Variants in CEP112 observed in about 807,000 individuals in gnomAD.
CEP112 encodes centrosomal protein 112.
CEP112 carries 127 observed loss-of-function variants against 153.0 expected under a neutral mutation model. The ratio of observed to expected loss-of-function variants is 0.83; its 90% CI spans 0.72 to 0.96. The LOEUF (loss-of-function observed/expected upper bound fraction) is 0.96, where lower values mean the gene tolerates loss of function less well. Ranked by LOEUF, CEP112 falls within the 40% of genes least tolerant of loss-of-function variation. CEP112 has a pLI of 0.00. For synonymous variants in CEP112, 358 were observed against 374.4 expected (o/e 0.96, Z 0.51); for missense variants, 1,089 against 1,101.2 (o/e 0.99, Z 0.16).
rs74269525 is a variant in CEP112, at chr17:66,000,492, T to TAA, written c.1736+5196_1736+5197dup. Among the ~76,000 whole-genome samples the TAA allele has an allele frequency of 1.8e-3, 254 of 139,808 alleles. 6 individuals are homozygous for TAA. Among genetic ancestry groups the TAA allele is most frequent in the Middle Eastern group, 3.7e-3 (1 of 268 alleles). The allele number at this position is 139,808 out of a possible 152,430, so 91.7% of individuals were successfully genotyped here. A position where few individuals can be genotyped will look rare whatever the true frequency, so the allele number is the denominator to read the frequency against. On this transcript the variant is annotated intron_variant, in intron 17 of 26. Coordinates refer to ENST00000535342, the MANE Select transcript of CEP112 (RefSeq NM_001199165.4). ...TTACTAGAGCAACTTGTCAGTAGAT[T>TAA]AAAAAAAAAAAAAAAGGATAACCTT...
At chr17:65,744,533 C>G (rs551948874) in intron 22 of CEP112, among the ~76,000 whole-genome samples, 5 of 152,224 alleles carry the variant, frequency 3.3e-5, no homozygotes, top group African/African-American at 1.2e-4. Flanking sequence ...GCGTGAGCCA[C>G]CATGCTTGGC....
intron 4 of CEP112, among the ~76,000 whole-genome samples, chr17:66,140,559 CA>C (rs2070647389): frequency 6.6e-6 from 1 of 152,118 alleles, no homozygotes; most frequent in Admixed American, 6.6e-5. Flanking sequence ...TAAATGAATT[CA>C]GTAAAATTTC....
intron 6 of CEP112, among the ~76,000 whole-genome samples, chr17:66,112,531 T>C (rs2069103835): frequency 6.6e-6 from 1 of 152,194 alleles, no homozygotes; most frequent in South Asian, 2.1e-4. Flanking sequence ...ATGTTCAAGA[T>C]GTGAAACACT....
intron 24 of CEP112, among the ~76,000 whole-genome samples, chr17:65,655,725 T>C (rs1249656898): frequency 6.6e-6 from 1 of 152,114 alleles, no homozygotes; most frequent in African/African-American, 2.4e-5. Flanking sequence ...ATTTATATTC[T>C]GGCATAAGCT....
chr17:65,881,160 T>C (rs1304831436), intron 20 of CEP112, among the ~76,000 whole-genome samples: 6 of 152,110 alleles, frequency 3.9e-5, no homozygotes, highest in Admixed American at 1.3e-4. Flanking sequence ...GAGTTTGCAG[T>C]GAGCCGAGAT....
chr17:65,969,917 C>T (rs559708296), intron 17 of CEP112, among the ~76,000 whole-genome samples: 1 of 150,524 alleles, frequency 6.6e-6, no homozygotes. Context: ...ATATTACATG[C>T]ATATCACATG....
intron 4 of CEP112, among the ~76,000 whole-genome samples, chr17:66,148,423 A>G (rs939081459): frequency 4.6e-5 from 7 of 152,182 alleles, no homozygotes; most frequent in Non-Finnish European, 8.8e-5. Flanking sequence ...CAGAGATTGT[A>G]TGGCATCTGT....
chr17:66,075,497 T>C (rs1339350811), intron 8 of CEP112, among the ~76,000 whole-genome samples: 1 of 151,058 alleles, frequency 6.6e-6, no homozygotes, highest in African/African-American at 2.4e-5. Context: ...TAACTAAAAA[T>C]AAGGCAAGAA....
chr17:66,096,439 C>A, intron 7 of CEP112, 111 bp from the exon 8 acceptor site: 2 of 1,171,338 alleles, frequency 1.7e-6, no homozygotes, highest in Non-Finnish European at 2.5e-6. Flanking sequence ...ACTAACACTG[C>A]AGGAAAAAAT....
intron 16 of CEP112, among the ~76,000 whole-genome samples, chr17:66,022,274 A>C (rs900435077): frequency 6.6e-6 from 1 of 152,240 alleles, no homozygotes; most frequent in African/African-American, 2.4e-5. Flanking sequence ...TGAAATTCAA[A>C]ACTAAGAAGT....
intron 20 of CEP112, among the ~76,000 whole-genome samples, chr17:65,886,931 A>G (rs1372056172): frequency 6.6e-6 from 1 of 152,168 alleles, no homozygotes; most frequent in Non-Finnish European, 1.5e-5. Flanking sequence ...ACTATGTGCA[A>G]AATGCTGGGG....
Position 66,183,305 on chromosome 17 carries a change from A to G in CEP112, c.-6T>C. Reference sequence around the variant, plus strand: ...TCTTCACTTCCCACTTCCATAATCCAATCTGTAAAAGATTTTAAATCAAAA... The same window carrying G: ...TCTTCACTTCCCACTTCCATAATCCGATCTGTAAAAGATTTTAAATCAAAA... On this transcript the variant is annotated splice_region_variant and 5_prime_UTR_variant, in exon 2 of 27. Transcript: ENST00000535342. 6.3e-7 allele frequency: 1 copy of G among 1,585,770 alleles called. No homozygotes were observed. The highest frequency in any genetic ancestry group is 8.6e-7 in the Non-Finnish European group (1 of 1,159,480).
intron 21 of CEP112, among the ~76,000 whole-genome samples, chr17:65,837,614 C>A (rs1755984309): frequency 6.6e-6 from 1 of 152,140 alleles, no homozygotes; most frequent in South Asian, 2.1e-4. Flanking sequence ...TGAGAACGGG[C>A]CATGATGACG....
At chr17:66,114,613 T>G (rs1339556752) in intron 6 of CEP112, among the ~76,000 whole-genome samples, 1 of 152,220 alleles carries the variant, frequency 6.6e-6, no homozygotes, top group Non-Finnish European at 1.5e-5. Flanking sequence ...TCCAAAATTA[T>G]GCTTTTAAGT....
intron 5 of CEP112, among the ~76,000 whole-genome samples, chr17:66,131,815 C>CA (rs1303913468): frequency 6.6e-6 from 1 of 151,904 alleles, no homozygotes; most frequent in Non-Finnish European, 1.5e-5. Context: ...TCATGTAACT[C>CA]AAGACAGCCA....
intron 18 of CEP112, among the ~76,000 whole-genome samples, chr17:65,950,699 CTAGTAG>C (rs111958511): frequency 3.4e-5 from 5 of 147,132 alleles, no homozygotes; most frequent in African/African-American, 1.2e-4. Context: ...GGATACATTA[CTAGTAG>C]TAGTAGTAGT....
intron 18 of CEP112, among the ~76,000 whole-genome samples, chr17:65,935,560 T>C (rs2061278298): frequency 1.3e-5 from 2 of 152,160 alleles, no homozygotes. Flanking sequence ...TTAAATAATA[T>C]AAAGTGTCTT....
intron 4 of CEP112, among the ~76,000 whole-genome samples, chr17:66,148,514 T>A (rs117834991): frequency 0.034 from 5,184 of 152,278 alleles, 131 homozygotes; most frequent in Middle Eastern, 0.061. Flanking sequence ...CATTCATTGG[T>A]GTCTTTTTAG....
At position 66,191,705 on chromosome 17, in the gene CEP112, C is replaced by T. The variant is rs1191586641; in HGVS notation, c.-9+292G>A. 1 of 152,948 alleles carries T rather than the reference C, an allele frequency of 6.5e-6. No individual in the cohort carries two copies. The highest frequency in any genetic ancestry group is 1.5e-5 in the Non-Finnish European group (1 of 68,226). The allele number at this position is 152,948 out of a possible 1,614,324, so 9.5% of individuals were successfully genotyped here. ...CTCTCCCAGTCGCAAACCCTTGGGTCAGACTCTTGGACCACGTCAGACCGA... is the reference window on the plus strand; with the variant it reads ...CTCTCCCAGTCGCAAACCCTTGGGTTAGACTCTTGGACCACGTCAGACCGA... On this transcript the variant is annotated intron_variant, in intron 1 of 26. Transcript: ENST00000535342. The surrounding 1 kb of genome is among the most constrained non-coding windows in gnomAD (Gnocchi z 4.2).
Sources: gnomAD v4.1 joint callset for allele counts (sites outside exome capture counted in the v4.1 genomes callset) on GRCh38, gnomAD v4.1.1 for gene constraint, Gnocchi (gnomAD v3.1) non-coding constraint, MANE v1.5 for transcripts, NCBI Gene and HGNC (gene_info 2026-07-23, HGNC 2026-07-21) for gene names.